Variants in ZCWPW2 observed in about 807,000 individuals in gnomAD.
ZCWPW2 encodes the protein zinc finger CW-type and PWWP domain containing 2, also known as zinc finger CW-type PWWP domain protein 2.
In ZCWPW2, 45 loss-of-function variants were observed where a neutral mutation model predicts 46.6. That is an observed-to-expected ratio of 0.96 (90% CI 0.76 to 1.24). The LOEUF is 1.24. Among genes scored for constraint, ZCWPW2 ranks in the 50% most tolerant of loss-of-function variants. The pLI is 0.00. For synonymous variants in ZCWPW2, 152 were observed against 137.1 expected (o/e 1.11, Z -0.76); for missense variants, 429 against 403.9 (o/e 1.06, Z -0.53).
At chr3:28,414,605 C>T (rs1317321785) in intron 3 of ZCWPW2, among the ~76,000 whole-genome samples, 3 of 112,058 alleles carry the variant, frequency 2.7e-5, no homozygotes, top group Non-Finnish European at 5.3e-5. Context: ...TATCCCTCCC[C>T]CCTCCCCCCA....
intron 3 of ZCWPW2, among the ~76,000 whole-genome samples, chr3:28,417,786 G>T (rs1296574192): frequency 1.5e-4 from 10 of 66,766 alleles, no homozygotes; most frequent in African/African-American, 5.6e-4. Flanking sequence ...CTCAAAAGAT[G>T]CAGAAAAGGC....
At chr3:28,433,917 G>GTT (rs71295064) in intron 3 of ZCWPW2, among the ~76,000 whole-genome samples, 30,237 of 140,582 alleles carry the variant, frequency 0.22, 3,770 homozygotes, top group Middle Eastern at 0.29. Context: ...TTCCACCCCA[G>GTT]TTTTTTTTTT....
chr3:28,509,904 A>T (rs1700381405), intron 6 of ZCWPW2, among the ~76,000 whole-genome samples: 2 of 152,134 alleles, frequency 1.3e-5, no homozygotes, highest in African/African-American at 4.8e-5. Flanking sequence ...CCAAGATTAT[A>T]AAGATTTGCT....
intron 3 of ZCWPW2, among the ~76,000 whole-genome samples, chr3:28,426,368 T>C (rs1263992546): frequency 6.6e-6 from 1 of 151,848 alleles, no homozygotes; most frequent in Non-Finnish European, 1.5e-5. Context: ...GAAACTAGGC[T>C]CTGTTATGGT....
At chr3:28,371,364 G>C (rs1705328650) in intron 1 of ZCWPW2, among the ~76,000 whole-genome samples, 1 of 152,158 alleles carries the variant, frequency 6.6e-6, no homozygotes, top group African/African-American at 2.4e-5. Flanking sequence ...TTACAGCCAA[G>C]GAGCATGGTA....
At position 28,351,860 on chromosome 3, in the gene ZCWPW2, G is replaced by A. The variant is rs148185659; in HGVS notation, c.-134+2657G>A. Among the ~76,000 whole-genome samples, 385 of 152,112 alleles carry A rather than the reference G, an allele frequency of 2.5e-3. 1 individual carries two copies. Among genetic ancestry groups the A allele is most frequent in the African/African-American group, 8.4e-3 (349 of 41,512 alleles). On this transcript the variant is annotated intron_variant, in intron 1 of 9. Transcript: ENST00000383768. ...GAAATGGCAGTGTCTGTCTTTTCAT[G>A]TTCATATCAGCTTCAGTGTCATTCC...
At chr3:28,504,050 T>C (rs1700216602) in intron 6 of ZCWPW2, among the ~76,000 whole-genome samples, 1 of 151,824 alleles carries the variant, frequency 6.6e-6, no homozygotes, top group Non-Finnish European at 1.5e-5. Flanking sequence ...TCAAAAATTA[T>C]GCCAGGTGTG....
intron 4 of ZCWPW2, among the ~76,000 whole-genome samples, chr3:28,459,029 G>A (rs1186740732): frequency 6.6e-6 from 1 of 151,710 alleles, no homozygotes; most frequent in Non-Finnish European, 1.5e-5. Flanking sequence ...TCTACTCTTG[G>A]TTCCCAGGCT....
intron 2 of ZCWPW2, among the ~76,000 whole-genome samples, chr3:28,410,471 A>C: frequency 6.6e-6 from 1 of 152,034 alleles, no homozygotes; most frequent in East Asian, 1.9e-4. Context: ...GTAGGGCCAC[A>C]AAACAAAACA....
intron 6 of ZCWPW2, among the ~76,000 whole-genome samples, chr3:28,501,051 T>G (rs946084015): frequency 6.6e-6 from 1 of 152,200 alleles, no homozygotes; most frequent in African/African-American, 2.4e-5. Flanking sequence ...ATTACTATAG[T>G]TTTCTTTCAG....
intron 4 of ZCWPW2, among the ~76,000 whole-genome samples, chr3:28,463,979 A>G (rs1698732375): frequency 6.6e-6 from 1 of 151,748 alleles, no homozygotes; most frequent in African/African-American, 2.4e-5. Flanking sequence ...AAGGAAAGGG[A>G]ATGAAAAGAA....
intron 3 of ZCWPW2, among the ~76,000 whole-genome samples, chr3:28,424,078 T>A (rs895450692): frequency 6.6e-6 from 1 of 152,084 alleles, no homozygotes; most frequent in Admixed American, 6.6e-5. Flanking sequence ...CTTTCCAGAA[T>A]TCCTTACTAT....
chr3:28,460,770 A>G (rs531917924), intron 4 of ZCWPW2, among the ~76,000 whole-genome samples: 1 of 152,234 alleles, frequency 6.6e-6, no homozygotes, highest in Non-Finnish European at 1.5e-5. Flanking sequence ...AAAGAGCGAT[A>G]GCTTTGGTAC....
chr3:28,396,523 ATAT>A (rs1322171015), intron 2 of ZCWPW2, among the ~76,000 whole-genome samples: 3 of 152,196 alleles, frequency 2.0e-5, no homozygotes, highest in African/African-American at 4.8e-5. Flanking sequence ...TACAAGTGAG[ATAT>A]TATCTAGAAA....
At chr3:28,382,593 T>C (rs1695145442) in intron 1 of ZCWPW2, among the ~76,000 whole-genome samples, 1 of 152,196 alleles carries the variant, frequency 6.6e-6, no homozygotes. Flanking sequence ...ATACTTACTA[T>C]TGTGCCAAAG....
chr3:28,465,000 T>C (rs1698766893), intron 4 of ZCWPW2, among the ~76,000 whole-genome samples: 1 of 152,222 alleles, frequency 6.6e-6, no homozygotes, highest in African/African-American at 2.4e-5. Flanking sequence ...AATTATTTGT[T>C]AAATATGAAC....
chr3:28,359,991 A>C (rs1273581837), intron 1 of ZCWPW2, among the ~76,000 whole-genome samples: 1 of 152,208 alleles, frequency 6.6e-6, no homozygotes, highest in Non-Finnish European at 1.5e-5. Context: ...GTTTAAAACC[A>C]AATATATCAA....
chr3:28,385,956 T>G (rs1695257104), intron 1 of ZCWPW2, among the ~76,000 whole-genome samples: 1 of 151,982 alleles, frequency 6.6e-6, no homozygotes, highest in South Asian at 2.1e-4. Flanking sequence ...GTTAAATATA[T>G]ACATTGTATC....
chr3:28,443,986 C>G (rs908806109), intron 4 of ZCWPW2, among the ~76,000 whole-genome samples: 107 of 152,128 alleles, frequency 7.0e-4, no homozygotes, highest in African/African-American at 2.4e-3. Flanking sequence ...TCACAATGAA[C>G]CATCTTTTAA....
Sources: gnomAD v4.1 joint callset for allele counts (sites outside exome capture counted in the v4.1 genomes callset) on GRCh38, gnomAD v4.1.1 for gene constraint, MANE v1.5 for transcripts, NCBI Gene and HGNC (gene_info 2026-07-23, HGNC 2026-07-21) for gene names.